NRIP1: variants seen among roughly 807,000 people sequenced by gnomAD.
NRIP1 encodes the protein nuclear receptor interacting protein 1.
In NRIP1, 28 loss-of-function variants were observed where a neutral mutation model predicts 75.0. The observed-to-expected ratio is 0.37, with a 90% confidence interval of 0.28 to 0.51. NRIP1 has a LOEUF of 0.51. Among genes scored for constraint, NRIP1 ranks in the 20% least tolerant of loss-of-function variants. The pLI is 0.92. For synonymous variants in NRIP1, 526 were observed against 487.6 expected (o/e 1.08, Z -1.04); for missense variants, 1,435 against 1,343.7 (o/e 1.07, Z -1.06).
At chr21:15,035,959 GAA>G (rs1166289794) in intron 2 of NRIP1, among the ~76,000 whole-genome samples, 2 of 152,050 alleles carry the variant, frequency 1.3e-5, no homozygotes, top group Non-Finnish European at 2.9e-5. Flanking sequence ...AAATTACTGC[GAA>G]AATGGCAAAT....
At chr21:15,058,980 C>T (rs1010378227) in intron 1 of NRIP1, among the ~76,000 whole-genome samples, 9 of 152,194 alleles carry the variant, frequency 5.9e-5, no homozygotes, top group Non-Finnish European at 2.9e-5. Flanking sequence ...TCCTTAGTTT[C>T]TCTGTTGTGC....
chr21:14,973,843 A>AT (rs11391044), intron 3 of NRIP1, among the ~76,000 whole-genome samples: 62,363 of 129,774 alleles, frequency 0.48, 16,168 homozygotes, highest in African/African-American at 0.66. Flanking sequence ...TGCAGAGCTG[A>AT]TTTTTTTTTT....
At position 14,967,318 on chromosome 21, in the gene NRIP1, T is replaced by C. The variant is rs1351497697; in HGVS notation, c.875A>G (p.Gln292Arg). 16 of 1,613,982 alleles carry C rather than the reference T, an allele frequency of 9.9e-6. No individual in the cohort carries two copies. The highest frequency in any genetic ancestry group is 1.3e-5 in the African/African-American group (1 of 74,924). The change falls in exon 4 of 4, where the codon CAA becomes CGA. Residue 292 changes from glutamine (Q) to arginine (R), a missense_variant. Coordinates refer to ENST00000318948, the MANE Select transcript of NRIP1 (RefSeq NM_003489.4). ...EHALKTQNAN[Q>R]AASERLAAMA... ...AGCAGCAAGTCTTTCACTTGCTGCTTGATTTGCATTTTGCGTTTTTAAAGC... is the reference window on the plus strand; with the variant it reads ...AGCAGCAAGTCTTTCACTTGCTGCTCGATTTGCATTTTGCGTTTTTAAAGC...
intron 3 of NRIP1, among the ~76,000 whole-genome samples, chr21:15,009,646 T>G (rs2088054877): frequency 6.6e-6 from 1 of 152,170 alleles, no homozygotes; most frequent in African/African-American, 2.4e-5. Flanking sequence ...ATAAGCCCAG[T>G]CCAGGAAGCA....
intron 3 of NRIP1, among the ~76,000 whole-genome samples, chr21:14,985,279 G>C (rs1187263341): frequency 6.6e-6 from 1 of 152,112 alleles, no homozygotes; most frequent in Non-Finnish European, 1.5e-5. Context: ...TATGGAAATA[G>C]GAGAATTAAA....
Position 14,966,410 on chromosome 21 carries a change from C to A in NRIP1, c.1783G>T (p.Ala595Ser), listed in dbSNP as rs1352384295. The A allele has an allele frequency of 1.2e-6, 2 of 1,613,994 alleles. No homozygotes were observed. Among genetic ancestry groups the A allele is most frequent in the Non-Finnish European group, 1.7e-6 (2 of 1,179,966 alleles). ...STQSEKLTNT[A>S]SNHSMDLTKS... Reference sequence around the variant, plus strand: ...GTAAGGTCCATTGAGTGGTTAGATGCAGTATTTGTTAGCTTTTCAGACTGA... The same window carrying A: ...GTAAGGTCCATTGAGTGGTTAGATGAAGTATTTGTTAGCTTTTCAGACTGA... Residue 595 changes from alanine (A) to serine (S), a missense_variant, in exon 4 of 4, where the codon GCA (alanine) becomes TCA (serine). Transcript: ENST00000318948.
At chr21:15,036,359 C>T (rs762554483) in intron 2 of NRIP1, among the ~76,000 whole-genome samples, 1 of 152,132 alleles carries the variant, frequency 6.6e-6, no homozygotes, top group African/African-American at 2.4e-5. Flanking sequence ...ATTTCCTCCT[C>T]CCAAATTCAG....
rs1411764004 is a variant in NRIP1, at chr21:14,962,517, T to A, written c.*2199A>T. The A allele has an allele frequency of 6.6e-6, 1 of 152,362 alleles. No homozygotes were observed. The highest frequency in any genetic ancestry group is 1.5e-5 in the Non-Finnish European group (1 of 67,900). 9.4% of individuals were successfully genotyped at this position (152,362 alleles called of 1,614,324 possible). ...CTCTTGTAAAAAGGTCATTTCCCCCTACCCAAGGGAGAATACCAACATATT... is the reference window on the plus strand; with the variant it reads ...CTCTTGTAAAAAGGTCATTTCCCCCAACCCAAGGGAGAATACCAACATATT... On this transcript the variant is annotated 3_prime_UTR_variant, in exon 4 of 4. Transcript: ENST00000318948.
Position 14,961,816 on chromosome 21 carries a change from G to A in NRIP1, c.*2900C>T, listed in dbSNP as rs2086596398. 6.6e-6 allele frequency: 1 copy of A among 151,998 alleles called. No individual in the cohort carries two copies. Among genetic ancestry groups the A allele is most frequent in the African/African-American group, 2.4e-5 (1 of 41,302 alleles). 9.4% of individuals were successfully genotyped at this position (151,998 alleles called of 1,614,324 possible). On this transcript the variant is annotated 3_prime_UTR_variant, in exon 4 of 4. Coordinates refer to ENST00000318948, the MANE Select transcript of NRIP1 (RefSeq NM_003489.4). ...CAGACTTGCAACTGTATACATACAT[G>A]CACAACTTTTAAACCTGTCTGATTA...
chr21:14,995,336 G>T (rs1215732724), intron 3 of NRIP1, among the ~76,000 whole-genome samples: 1 of 152,178 alleles, frequency 6.6e-6, no homozygotes, highest in African/African-American at 2.4e-5. Flanking sequence ...AGAATAGTTG[G>T]GAAGATTACA....
In NRIP1 at chr21:14,965,235, G is replaced by A; in HGVS notation, c.2958C>T (p.Tyr986=). 6.2e-7 allele frequency: 1 copy of A among 1,613,944 alleles called. No homozygotes were observed. Among genetic ancestry groups the A allele is most frequent in the Non-Finnish European group, 8.5e-7 (1 of 1,179,918 alleles). The change falls in exon 4 of 4, where the codon TAC becomes TAT. Residue 986 remains tyrosine (Y), a synonymous_variant. Transcript: ENST00000318948. ...TGCAACTGCTGGGCTGAGTGGAACT[G>A]TACATCAGTCCATTTAAAGAAGAAA... is the stretch of plus-strand genomic sequence containing the variant. ...FSISSLNGLM[Y]SSTQPSSCMD...
At chr21:15,041,495 C>T (rs2088953290) in intron 2 of NRIP1, among the ~76,000 whole-genome samples, 1 of 151,082 alleles carries the variant, frequency 6.6e-6, no homozygotes, top group Non-Finnish European at 1.5e-5. Context: ...AAATAAGAAA[C>T]TTCTTCTTAA....
intron 3 of NRIP1, among the ~76,000 whole-genome samples, chr21:15,003,375 T>C (rs1039015466): frequency 1.3e-5 from 2 of 152,140 alleles, no homozygotes; most frequent in Non-Finnish European, 2.9e-5. Flanking sequence ...CATTTTGCAC[T>C]TTTTCTATTT....
chr21:15,017,445 G>A (rs2088262673), intron 2 of NRIP1, among the ~76,000 whole-genome samples: 1 of 152,014 alleles, frequency 6.6e-6, no homozygotes, highest in African/African-American at 2.4e-5. Context: ...AACACTCCTA[G>A]AACTAAGAGA....
chr21:15,028,279 C>T (rs1212915009), intron 2 of NRIP1, among the ~76,000 whole-genome samples: 2 of 152,166 alleles, frequency 1.3e-5, no homozygotes, highest in Non-Finnish European at 2.9e-5. Context: ...GAGTGAGAAG[C>T]CATTCATCCT....
At chr21:15,025,065 C>G (rs946685200) in intron 2 of NRIP1, among the ~76,000 whole-genome samples, 1 of 152,032 alleles carries the variant, frequency 6.6e-6, no homozygotes, top group Non-Finnish European at 1.5e-5. Flanking sequence ...GGTATCAATG[C>G]CCAAGTTGGA....
chr21:14,973,843 ATTT>A (rs11391044), intron 3 of NRIP1, among the ~76,000 whole-genome samples: 4 of 129,866 alleles, frequency 3.1e-5, no homozygotes, highest in African/African-American at 8.9e-5. Context: ...TGCAGAGCTG[ATTT>A]TTTTTTTTTT....
At chr21:15,045,335 C>T (rs1194616594) in intron 1 of NRIP1, among the ~76,000 whole-genome samples, 2 of 152,128 alleles carry the variant, frequency 1.3e-5, no homozygotes, top group African/African-American at 2.4e-5. Context: ...TAAAATAAAG[C>T]AAATATCACA....
chr21:15,021,800 T>C (rs2088383701), intron 2 of NRIP1, among the ~76,000 whole-genome samples: 2 of 152,104 alleles, frequency 1.3e-5, no homozygotes, highest in South Asian at 4.1e-4. Context: ...AAGCTCAACA[T>C]CACTGATCAT....
Sources: gnomAD v4.1 joint callset for allele counts (sites outside exome capture counted in the v4.1 genomes callset) on GRCh38, gnomAD v4.1.1 for gene constraint, MANE v1.5 for transcripts, NCBI Gene and HGNC (gene_info 2026-07-23, HGNC 2026-07-21) for gene names.